Variants in RPS6KA2 observed in about 807,000 individuals in gnomAD.
RPS6KA2 encodes the protein ribosomal protein S6 kinase alpha-2.
In RPS6KA2, 42 loss-of-function variants were observed where a neutral mutation model predicts 91.8. That is an observed-to-expected ratio of 0.46 (90% confidence interval 0.36 to 0.59). The LOEUF is 0.59. RPS6KA2 is among the 20% of genes least tolerant of loss of function. RPS6KA2 has a pLI of 0.00. For synonymous variants in RPS6KA2, 414 were observed against 393.6 expected, an observed-to-expected ratio of 1.05 and a Z score of -0.61; for missense variants, 798 against 978.5, an observed-to-expected ratio of 0.82 and a Z score of 2.46.
chr6:166,645,676 C>G (rs1258092878), intron 2 of RPS6KA2, among the ~76,000 whole-genome samples: 10 of 152,214 alleles, frequency 6.6e-5, no homozygotes, highest in African/African-American at 2.4e-4. Context: ...CTCCAGGAAG[C>G]CTGGCCCCAG....
At chr6:166,567,224 T>A (rs1235647765) in intron 1 of RPS6KA2, among the ~76,000 whole-genome samples, 1 of 152,154 alleles carries the variant, frequency 6.6e-6, no homozygotes, top group African/African-American at 2.4e-5. Context: ...GGATGTTCTT[T>A]CCTAAGTGGG....
At chr6:166,588,346 G>A (rs974905168) in intron 1 of RPS6KA2, among the ~76,000 whole-genome samples, 27 of 150,344 alleles carry the variant, frequency 1.8e-4, no homozygotes, top group African/African-American at 6.2e-4. Flanking sequence ...TGGGGCCAGC[G>A]AGTTGCTGCA....
chr6:166,578,866 A>G, intron 1 of RPS6KA2, among the ~76,000 whole-genome samples: 1 of 152,240 alleles, frequency 6.6e-6, no homozygotes, highest in East Asian at 1.9e-4. Context: ...GGATCTGTGC[A>G]GAGATATGTG....
chr6:166,721,534 T>C (rs978314082), intron 2 of RPS6KA2, among the ~76,000 whole-genome samples: 1 of 152,354 alleles, frequency 6.6e-6, no homozygotes, highest in East Asian at 1.9e-4. Flanking sequence ...GGCTCTTTCT[T>C]AACAGAAACT....
At chr6:166,506,518 A>G (rs2235271) in intron 5 of RPS6KA2, among the ~76,000 whole-genome samples, 1 of 151,964 alleles carries the variant, frequency 6.6e-6, no homozygotes, top group Admixed American at 6.5e-5. Context: ...ACACAGCAGG[A>G]GGCAAAGGAA....
chr6:166,602,141 T>TGGCA (rs1344371561), intron 1 of RPS6KA2, among the ~76,000 whole-genome samples: 11 of 152,184 alleles, frequency 7.2e-5, no homozygotes, highest in African/African-American at 2.7e-4. Context: ...GGGCAGTGCG[T>TGGCA]GTTCCGGCCA....
chr6:166,413,880 T>C lies in RPS6KA2; in HGVS notation c.1990A>G (p.Met664Val). Residue 664 changes from methionine to valine, a missense_variant, in exon 20 of 21, where the codon ATG (methionine) becomes GTG (valine). Coordinates refer to ENST00000265678, the MANE Select transcript of RPS6KA2 (RefSeq NM_021135.6). ...ACCCACGGGTGTTTGAGCACTTGCA[T>C]CGCCGTCAGGCGCTGATGAGGGTCC... ...HVDPHQRLTAMQVLKHPWVVN... is the reference protein window; with the variant it reads ...HVDPHQRLTAVQVLKHPWVVN... The C allele has an allele frequency of 6.2e-7, 1 of 1,614,150 alleles. No individual in the cohort carries two copies. Among genetic ancestry groups the C allele is most frequent in the Non-Finnish European group, 8.5e-7 (1 of 1,179,982 alleles).
chr6:166,782,341 C>T (rs1459022378), intron 2 of RPS6KA2, among the ~76,000 whole-genome samples: 1 of 152,126 alleles, frequency 6.6e-6, no homozygotes, highest in Non-Finnish European at 1.5e-5. Context: ...AATGATGTCC[C>T]TGAGTTGGGT....
intron 2 of RPS6KA2, among the ~76,000 whole-genome samples, chr6:166,829,845 C>T (rs888978603): frequency 6.6e-6 from 1 of 152,136 alleles, no homozygotes; most frequent in African/African-American, 2.4e-5. Context: ...TGCAGTGGCT[C>T]ATGCCTGTAA....
At position 166,469,217 on chromosome 6, in the gene RPS6KA2, G is replaced by A. The variant is rs114969853; in HGVS notation, c.972+624C>T. On this transcript the variant is annotated intron_variant, in intron 11 of 20. Coordinates refer to ENST00000265678, the MANE Select transcript of RPS6KA2 (RefSeq NM_021135.6). ...TGTAGCTTGGTGAAAAGTGAGATAC[G>A]AGAACTTCTCAGACAATGTCCAGCC... Among the ~76,000 whole-genome samples, 1,001 of 152,182 alleles carry A rather than the reference G, an allele frequency of 6.6e-3. 16 individuals carry two copies. Among genetic ancestry groups the A allele is most frequent in the African/African-American group, 0.023 (942 of 41,492 alleles).
chr6:166,824,990 T>A (rs1400910388), intron 2 of RPS6KA2, among the ~76,000 whole-genome samples: 1 of 152,240 alleles, frequency 6.6e-6, no homozygotes, highest in Non-Finnish European at 1.5e-5. Context: ...GGGTGCTAAC[T>A]TGAAGCCATG....
At chr6:166,757,456 G>A (rs920905408) in intron 2 of RPS6KA2, 15 of 453,940 alleles carry the variant, frequency 3.3e-5, no homozygotes, top group African/African-American at 1.4e-4. Flanking sequence ...TGTCACACCC[G>A]TGATTTCCCA....
chr6:166,640,292 C>A (rs1787384528), intron 2 of RPS6KA2, among the ~76,000 whole-genome samples: 1 of 152,080 alleles, frequency 6.6e-6, no homozygotes, highest in Admixed American at 6.5e-5. Flanking sequence ...AAAATCTTTG[C>A]TAGATTTGTT....
At chr6:166,758,765 G>T (rs1289825789) in intron 2 of RPS6KA2, among the ~76,000 whole-genome samples, 1 of 152,172 alleles carries the variant, frequency 6.6e-6, no homozygotes, top group Non-Finnish European at 1.5e-5. Flanking sequence ...AGGCAAAGAG[G>T]AAATTTAAGA....
At chr6:166,763,964 C>T (rs978729136) in intron 2 of RPS6KA2, among the ~76,000 whole-genome samples, 1 of 152,242 alleles carries the variant, frequency 6.6e-6, no homozygotes, top group Non-Finnish European at 1.5e-5. Flanking sequence ...GTGGCAGACA[C>T]AACACTGTCC....
chr6:166,538,775 C>T lies in RPS6KA2; in HGVS notation c.109G>A (p.Val37Ile), dbSNP rs771315271. Reference protein sequence around the residue: ...SSLSRLEEEGVVKEIDISHHV... With the variant: ...SSLSRLEEEGIVKEIDISHHV... ...TGGCTGATGTCTATCTCCTTCACGA[C>T]GCCTTCTTCCTGCAAGAGAGCGGCA... The change falls in exon 2 of 21, where the codon GTC becomes ATC. Residue 37 changes from valine to isoleucine, a missense_variant. Transcript: ENST00000265678. 5.0e-6 allele frequency: 8 copies of T among 1,585,724 alleles called. No individual in the cohort carries two copies. The highest frequency in any genetic ancestry group is 6.1e-6 in the Non-Finnish European group (7 of 1,154,488).
chr6:166,547,273 G>A (rs1425144680), intron 1 of RPS6KA2, among the ~76,000 whole-genome samples: 3 of 152,178 alleles, frequency 2.0e-5, no homozygotes, highest in Non-Finnish European at 4.4e-5. Context: ...CACCGACTTA[G>A]AGGAAGGAAG....
intron 3 of RPS6KA2, among the ~76,000 whole-genome samples, chr6:166,519,238 G>A (rs1782763244): frequency 6.6e-6 from 1 of 152,234 alleles, no homozygotes; most frequent in Admixed American, 6.5e-5. Context: ...GGTAGTTCTA[G>A]ACTACTGGAG....
intron 2 of RPS6KA2, among the ~76,000 whole-genome samples, chr6:166,720,156 C>G (rs1790132646): frequency 6.6e-6 from 1 of 152,114 alleles, no homozygotes; most frequent in African/African-American, 2.4e-5. Context: ...GTAAAGTGGG[C>G]ATCTTTGTAT....
Sources: allele counts gnomAD v4.1 joint callset (sites outside exome capture counted in the v4.1 genomes callset), GRCh38; gene constraint gnomAD v4.1.1; transcripts MANE v1.5; gene names NCBI Gene and HGNC (gene_info 2026-07-23, HGNC 2026-07-21).